The following PHF20L1 variants were observed in gnomAD, a reference collection of about 807,000 sequenced individuals.
PHF20L1 encodes PHD finger protein 20-like protein 1.
In PHF20L1, 44 loss-of-function variants were observed where a neutral mutation model predicts 125.5. The ratio of observed to expected loss-of-function variants is 0.35; its 90% CI spans 0.28 to 0.45. The LOEUF is 0.45. Among genes scored for constraint, PHF20L1 ranks in the 20% least tolerant of loss-of-function variants. The probability of loss-of-function intolerance (pLI) is 1.00; values close to 1 mark genes in which losing one functional copy is unlikely to be tolerated. For synonymous variants in PHF20L1, 380 were observed against 403.1 expected (o/e 0.94, Z 0.69); for missense variants, 1,012 against 1,217.2 (o/e 0.83, Z 2.51).
intron 8 of PHF20L1, 31 bp downstream of exon 8, chr8:132,804,771 G>A: frequency 6.4e-7 from 1 of 1,560,392 alleles, no homozygotes; most frequent in Non-Finnish European, 8.7e-7. Context: ...TTTTGAGGGG[G>A]GGAAATGGAA....
chr8:132,775,988 C>A (rs1415872359), intron 1 of PHF20L1, among the ~76,000 whole-genome samples: 1 of 152,276 alleles, frequency 6.6e-6, no homozygotes, highest in Non-Finnish European at 1.5e-5. Context: ...CATTGTCGGT[C>A]TCTATGTCTT....
At chr8:132,832,084 C>T in intron 14 of PHF20L1, 151 bp from the exon 15 acceptor site, 1 of 597,426 alleles carries the variant, frequency 1.7e-6, no homozygotes, top group Non-Finnish European at 3.0e-6. Context: ...AAACCCAGTT[C>T]ATCAGATCCA....
At chr8:132,782,726 C>G (rs191801842) in intron 2 of PHF20L1, among the ~76,000 whole-genome samples, 1 of 151,912 alleles carries the variant, frequency 6.6e-6, no homozygotes, top group African/African-American at 2.4e-5. Context: ...GTAGCTGGGA[C>G]TACAGGCGTA....
intron 2 of PHF20L1, among the ~76,000 whole-genome samples, chr8:132,789,644 C>G (rs1273248308): frequency 6.6e-6 from 1 of 152,060 alleles, no homozygotes; most frequent in African/African-American, 2.4e-5. Flanking sequence ...TGAGGGTAAA[C>G]TCTTTCCTGG....
intron 8 of PHF20L1, among the ~76,000 whole-genome samples, chr8:132,805,452 T>C (rs1373796894): frequency 6.6e-6 from 1 of 151,962 alleles, no homozygotes; most frequent in East Asian, 1.9e-4. Context: ...CTATTCAGCC[T>C]AGTGATTCTA....
At chr8:132,810,763 C>G (rs1297487623) in intron 8 of PHF20L1, 1 of 306,920 alleles carries the variant, frequency 3.3e-6, no homozygotes, top group Non-Finnish European at 6.2e-6. Flanking sequence ...AGAATTTTAA[C>G]TTTTTACAGA....
At chr8:132,838,989 A>T (rs141863596) in intron 17 of PHF20L1, among the ~76,000 whole-genome samples, 1 of 152,150 alleles carries the variant, frequency 6.6e-6, no homozygotes, top group African/African-American at 2.4e-5. Context: ...AAGGGTTCCT[A>T]TTCACTCAGC....
chr8:132,803,820 A>AC lies in PHF20L1; in HGVS notation c.509_510insC (p.Trp171LeufsTer20). 6.3e-7 allele frequency: 1 copy of AC among 1,579,956 alleles called. No homozygotes were observed. Among genetic ancestry groups the AC allele is most frequent in the Non-Finnish European group, 8.7e-7 (1 of 1,152,940 alleles). On this transcript the variant is annotated frameshift_variant and splice_region_variant, in exon 7 of 21. Transcript: ENST00000395386. LOFTEE classifies it high-confidence loss of function. ...ATGTTTTGTGTTTTTCCTTTGGAGG[A>AC]TTGGATAGCTTTAGTCAAAGCAGCT...
At chr8:132,829,036 A>T (rs1293631659) in intron 14 of PHF20L1, among the ~76,000 whole-genome samples, 2 of 152,038 alleles carry the variant, frequency 1.3e-5, no homozygotes, top group Non-Finnish European at 2.9e-5. Context: ...TATGTAGGAG[A>T]CTACTTCTGA....
intron 14 of PHF20L1, among the ~76,000 whole-genome samples, chr8:132,827,880 C>G (rs1836364330): frequency 6.6e-6 from 1 of 152,020 alleles, no homozygotes; most frequent in South Asian, 2.1e-4. Context: ...GTAAGATGCA[C>G]AGAAACATTG....
chr8:132,781,460 T>A (rs1421591876), intron 2 of PHF20L1, among the ~76,000 whole-genome samples: 1 of 152,178 alleles, frequency 6.6e-6, no homozygotes, highest in Non-Finnish European at 1.5e-5. Context: ...TTCGCCAGTC[T>A]GGAATTCAGT....
At chr8:132,781,472 G>A (rs1830418704) in intron 2 of PHF20L1, among the ~76,000 whole-genome samples, 1 of 151,864 alleles carries the variant, frequency 6.6e-6, no homozygotes, top group Admixed American at 6.6e-5. Context: ...GAATTCAGTG[G>A]CGCAATCTTG....
intron 2 of PHF20L1, among the ~76,000 whole-genome samples, chr8:132,791,254 C>CTT (rs1184118420): frequency 4.8e-4 from 56 of 117,080 alleles, no homozygotes; most frequent in South Asian, 1.1e-3. Flanking sequence ...GAGTTATTTC[C>CTT]TTTTTTTTTT....
At chr8:132,840,967 A>G (rs1037805115) in intron 18 of PHF20L1, among the ~76,000 whole-genome samples, 11 of 152,130 alleles carry the variant, frequency 7.2e-5, no homozygotes, top group African/African-American at 2.7e-4. Context: ...GTTTTTTATC[A>G]TAAGCCTGAA....
At chr8:132,782,810 T>C (rs1830588840) in intron 2 of PHF20L1, among the ~76,000 whole-genome samples, 1 of 151,864 alleles carries the variant, frequency 6.6e-6, no homozygotes, top group Non-Finnish European at 1.5e-5. Flanking sequence ...TCTCTCTGTG[T>C]TGCCCAGGCT....
chr8:132,836,734 C>T lies in PHF20L1; in HGVS notation c.2091+13C>T, dbSNP rs1035867260. The T allele has an allele frequency of 6.3e-7, 1 of 1,589,420 alleles. No homozygotes were observed. Among genetic ancestry groups the T allele is most frequent in the Non-Finnish European group, 8.6e-7 (1 of 1,159,616 alleles). ...CTTCATGATCCAGGTAATTGGTTAA[C>T]CTCTCTTCCCTATAATGAGTTAGTT... On this transcript the variant is annotated intron_variant, in intron 16 of 20. Coordinates refer to ENST00000395386, the MANE Select transcript of PHF20L1 (RefSeq NM_016018.5).
At chr8:132,810,154 C>T (rs1048932899) in intron 8 of PHF20L1, 2 of 151,500 alleles carry the variant, frequency 1.3e-5, no homozygotes, top group African/African-American at 4.8e-5. Context: ...AAGTGATTCT[C>T]CTGCCTCAGC....
chr8:132,811,178 C>T (rs1834349617), intron 9 of PHF20L1, 50 bp downstream of exon 9: 1 of 1,608,382 alleles, frequency 6.2e-7, no homozygotes, highest in Non-Finnish European at 8.5e-7. Context: ...CTGGAATGAT[C>T]ACGGAGCTCT....
At chr8:132,830,456 C>T (rs944241565) in intron 14 of PHF20L1, among the ~76,000 whole-genome samples, 1 of 152,066 alleles carries the variant, frequency 6.6e-6, no homozygotes, top group African/African-American at 2.4e-5. Flanking sequence ...CCCACAGCTG[C>T]CACCTTCAAA....
Sources: gnomAD v4.1 joint callset for allele counts (sites outside exome capture counted in the v4.1 genomes callset) on GRCh38, gnomAD v4.1.1 for gene constraint, MANE v1.5 for transcripts, NCBI Gene and HGNC (gene_info 2026-07-23, HGNC 2026-07-21) for gene names.